The following AGO2 variants were observed in gnomAD, a reference collection of about 807,000 sequenced individuals.
AGO2 encodes protein argonaute-2.
Under a neutral mutation model 102.3 loss-of-function variants are expected in AGO2, and 5 were observed. That is an observed-to-expected ratio of 0.05 (90% confidence interval 0.03 to 0.10). The LOEUF (loss-of-function observed/expected upper bound fraction) is 0.10, where lower values mean the gene tolerates loss of function less well. Among genes scored for constraint, AGO2 ranks in the 10% least tolerant of loss-of-function variants. The pLI is 1.00. For missense variants in AGO2, 541 were observed against 1,183.7 expected, an observed-to-expected ratio of 0.46 and a Z score of 7.97; for synonymous variants, 449 against 473.1, an observed-to-expected ratio of 0.95 and a Z score of 0.66.
intron 1 of AGO2, among the ~76,000 whole-genome samples, chr8:140,595,967 A>G (rs1326897018): frequency 2.6e-5 from 2 of 78,150 alleles, no homozygotes; most frequent in African/African-American, 9.0e-5. Context: ...ATATATATAA[A>G]TTATATATAT....
intron 5 of AGO2, 152 bp from the exon 6 acceptor site, chr8:140,559,681 G>A (rs2073164088): frequency 2.0e-6 from 2 of 1,020,896 alleles, no homozygotes; most frequent in Non-Finnish European, 2.8e-6. Context: ...CTCAGGCCCA[G>A]ACACGGGCAG....
At chr8:140,566,168 A>G (rs567520981) in intron 3 of AGO2, among the ~76,000 whole-genome samples, 1 of 152,338 alleles carries the variant, frequency 6.6e-6, no homozygotes, top group South Asian at 2.1e-4. Context: ...GTAGGAATCC[A>G]GGAAGGTGAC....
intron 11 of AGO2, among the ~76,000 whole-genome samples, chr8:140,549,661 G>A (rs1004503253): frequency 6.6e-6 from 1 of 152,268 alleles, no homozygotes; most frequent in African/African-American, 2.4e-5. Context: ...GCTGAGCAGC[G>A]CCTGGAGCTC....
At chr8:140,546,681 T>C (rs1020196452) in intron 13 of AGO2, among the ~76,000 whole-genome samples, 3 of 152,250 alleles carry the variant, frequency 2.0e-5, no homozygotes, top group African/African-American at 4.8e-5. Flanking sequence ...GGGCTGCCTA[T>C]GGCCTCCAGT....
intron 1 of AGO2, among the ~76,000 whole-genome samples, chr8:140,614,271 C>G (rs1292924657): frequency 1.3e-5 from 2 of 152,178 alleles, no homozygotes; most frequent in East Asian, 3.8e-4. Flanking sequence ...TTGCAGTGAG[C>G]CGAGATCGTG....
chr8:140,560,798 T>G (rs2073186220), intron 4 of AGO2, among the ~76,000 whole-genome samples: 1 of 152,216 alleles, frequency 6.6e-6, no homozygotes, highest in South Asian at 2.1e-4. Context: ...CTGGCGTGTT[T>G]CTGGTCCAGA....
intron 11 of AGO2, among the ~76,000 whole-genome samples, chr8:140,549,682 C>G (rs2072963201): frequency 6.6e-6 from 1 of 152,270 alleles, no homozygotes; most frequent in African/African-American, 2.4e-5. Context: ...TTGTGAAGCT[C>G]TCCCCACGTG....
At chr8:140,550,540 C>A (rs1451023300) in intron 11 of AGO2, among the ~76,000 whole-genome samples, 1 of 152,216 alleles carries the variant, frequency 6.6e-6, no homozygotes, top group African/African-American at 2.4e-5. Flanking sequence ...ACCAACACTT[C>A]TCTCCTCTTA....
chr8:140,574,030 T>C (rs1213554418), intron 2 of AGO2, among the ~76,000 whole-genome samples: 9 of 152,144 alleles, frequency 5.9e-5, no homozygotes, highest in Admixed American at 5.9e-4. Context: ...GACTGGGGTT[T>C]TGGTGTTGGG....
At chr8:140,635,913 C>A (rs1311505014), upstream of AGO2, among the ~76,000 whole-genome samples, 2 of 147,994 alleles carry the variant, frequency 1.4e-5, no homozygotes, top group African/African-American at 5.0e-5. Flanking sequence ...CCGAGGGCGG[C>A]GCGGCCCGTG....
intron 1 of AGO2, among the ~76,000 whole-genome samples, chr8:140,601,702 C>A (rs768740181): frequency 6.6e-6 from 1 of 152,260 alleles, no homozygotes; most frequent in Non-Finnish European, 1.5e-5. Context: ...ACACATCCTC[C>A]TATCTACCTT....
At position 140,558,353 on chromosome 8, in the gene AGO2, A is replaced by G; in HGVS notation, c.878+132T>C. ...AATCTACTGAGCCATGTAAGGGACA[A>G]TTTTGGGATTGAAAAACAGCATGAA... On this transcript the variant is annotated intron_variant, in intron 7 of 18. Transcript: ENST00000220592. 3.2e-6 allele frequency: 3 copies of G among 951,426 alleles called. No homozygotes were observed. In the Admixed American group the frequency reaches 6.1e-5, roughly 19 times the overall value. 58.9% of individuals were successfully genotyped at this position (951,426 alleles called of 1,614,324 possible). A position where few individuals can be genotyped will look rare whatever the true frequency, so the allele number is the denominator to read the frequency against.
At chr8:140,579,229 A>G (rs1249747209) in intron 2 of AGO2, among the ~76,000 whole-genome samples, 8 of 145,170 alleles carry the variant, frequency 5.5e-5, no homozygotes, top group Non-Finnish European at 1.2e-4. Context: ...TTTCAAAAAG[A>G]AAAAAAAAAA....
At chr8:140,624,568 C>T (rs548501956) in intron 1 of AGO2, among the ~76,000 whole-genome samples, 17 of 152,260 alleles carry the variant, frequency 1.1e-4, no homozygotes, top group Admixed American at 2.0e-4. Flanking sequence ...GAGCAGCCAG[C>T]GTCCCCAACT....
At position 140,531,888 on chromosome 8, in the gene AGO2, G is replaced by A; in HGVS notation, c.*156C>T. 3.1e-6 allele frequency: 2 copies of A among 655,350 alleles called. No homozygotes were observed. Among genetic ancestry groups the A allele is most frequent in the Non-Finnish European group, 5.3e-6 (2 of 379,084 alleles). The allele number at this position is 655,350 out of a possible 1,614,324, so 40.6% of individuals were successfully genotyped here. A position where few individuals can be genotyped will look rare whatever the true frequency, so the allele number is the denominator to read the frequency against. On this transcript the variant is annotated 3_prime_UTR_variant, in exon 19 of 19. Transcript: ENST00000220592. ...GTTCAAAATCCAAGTTTGAAATCTGGGACGGAAGGCATTCTGGAAAACGGA... is the reference window on the plus strand; with the variant it reads ...GTTCAAAATCCAAGTTTGAAATCTGAGACGGAAGGCATTCTGGAAAACGGA...
chr8:140,567,644 C>T lies in AGO2; in HGVS notation c.337-5010G>A, dbSNP rs1369202108. Among the ~76,000 whole-genome samples, 2 of 152,328 alleles carry T rather than the reference C, an allele frequency of 1.3e-5. No homozygotes were observed. The highest frequency in any genetic ancestry group is 1.9e-4 in the East Asian group (1 of 5,188). ...AACATGGATAATAGAAAATGTCAGC[C>T]CAGGACTCGATCCAAGGCCTGGAGC... On this transcript the variant is annotated intron_variant, in intron 3 of 18. Coordinates refer to ENST00000220592, the MANE Select transcript of AGO2 (RefSeq NM_012154.5). The surrounding 1 kb of genome is among the most constrained non-coding windows in gnomAD (Gnocchi z 5.0).
At position 140,589,589 on chromosome 8, in the gene AGO2, G is replaced by A. The variant is rs1454481267; in HGVS notation, c.23-4278C>T. On this transcript the variant is annotated intron_variant, in intron 1 of 18. Coordinates refer to ENST00000220592, the MANE Select transcript of AGO2 (RefSeq NM_012154.5). This position sits in a 1 kb window ranked among gnomAD's most constrained non-coding sequence, Gnocchi z 4.2. ...GTCATTATTCAAAGCCATGCTTCCC[G>A]ATGGTCCTCCTAGAACTCTGCATTC... 1.3e-5 allele frequency among the ~76,000 whole-genome samples: 2 copies of A among 152,172 alleles called. No individual in the cohort carries two copies. Among genetic ancestry groups the A allele is most frequent in the East Asian group, 1.9e-4 (1 of 5,188 alleles).
intron 1 of AGO2, among the ~76,000 whole-genome samples, chr8:140,632,387 A>T (rs1326924216): frequency 6.6e-6 from 1 of 152,240 alleles, no homozygotes; most frequent in Non-Finnish European, 1.5e-5. Context: ...CCATACCTTC[A>T]TGGGGACCAC....
At chr8:140,633,637 C>A (rs1377887646) in intron 1 of AGO2, among the ~76,000 whole-genome samples, 1 of 152,184 alleles carries the variant, frequency 6.6e-6, no homozygotes. Context: ...GACAAGTATG[C>A]GGGCAGGTGC....
Sources: allele counts gnomAD v4.1 joint callset (sites outside exome capture counted in the v4.1 genomes callset), GRCh38; gene constraint gnomAD v4.1.1; non-coding constraint Gnocchi (gnomAD v3.1); transcripts MANE v1.5; gene names NCBI Gene and HGNC (gene_info 2026-07-23, HGNC 2026-07-21).